Variants in ROS1 observed in about 807,000 individuals in gnomAD.
The protein encoded by ROS1 is ROS proto-oncogene 1, receptor tyrosine kinase, also known as proto-oncogene tyrosine-protein kinase ROS.
ROS1 carries 263 observed loss-of-function variants against 273.5 expected under a neutral mutation model. The ratio of observed to expected loss-of-function variants is 0.96; its 90% CI spans 0.87 to 1.06. ROS1 has a LOEUF of 1.06. Among genes scored for constraint, ROS1 ranks in the 50% least tolerant of loss-of-function variants. ROS1 has a pLI of 0.00. For missense variants in ROS1, 2,833 were observed against 2,751.1 expected (o/e 1.03, Z -0.67); for synonymous variants, 1,008 against 954.1 (o/e 1.06, Z -1.04).
At position 117,357,807 on chromosome 6, in the gene ROS1, A is replaced by G. The variant is rs779247154; in HGVS notation, c.3836T>C (p.Leu1279Ser). Residue 1279 changes from leucine to serine, a missense_variant, in exon 25 of 44, where the codon TTA becomes TCA. Leu to Ser is a moderately radical substitution (Grantham distance 145). Transcript: ENST00000368507. ...AAAAATACTTGCATTTACATACCTT[A>G]AAAGAGGATATACAGAAAAAGAAAT... The part of the protein sequence containing the change: ...TIISFSVYPL[L>S]SRLYWTEVSN... 1 of 1,586,546 alleles carries G rather than the reference A, an allele frequency of 6.3e-7. No individual in the cohort carries two copies. The highest frequency in any genetic ancestry group is 8.6e-7 in the Non-Finnish European group (1 of 1,157,052).
chr6:117,372,514 G>A (rs900620105), intron 18 of ROS1, among the ~76,000 whole-genome samples: 5 of 152,186 alleles, frequency 3.3e-5, no homozygotes, highest in Non-Finnish European at 2.9e-5. Flanking sequence ...GAGCGTTACA[G>A]TTCTTAAAGG....
At chr6:117,332,580 A>G (rs1777160471) in intron 32 of ROS1, among the ~76,000 whole-genome samples, 1 of 152,188 alleles carries the variant, frequency 6.6e-6, no homozygotes, top group African/African-American at 2.4e-5. Context: ...TCTAAAATCT[A>G]CCACATAATT....
intron 4 of ROS1, among the ~76,000 whole-genome samples, chr6:117,413,506 T>G (rs1775093750): frequency 6.6e-6 from 1 of 152,186 alleles, no homozygotes; most frequent in South Asian, 2.1e-4. Context: ...AGCTGAAGAC[T>G]AAGTAGGAAA....
intron 18 of ROS1, among the ~76,000 whole-genome samples, chr6:117,367,453 T>A (rs1780362741): frequency 6.6e-6 from 1 of 152,240 alleles, no homozygotes; most frequent in South Asian, 2.1e-4. Context: ...GACACTGGCC[T>A]GTGTGGGCAC....
At chr6:117,338,355 T>A (rs1366464293) in intron 31 of ROS1, among the ~76,000 whole-genome samples, 1 of 152,010 alleles carries the variant, frequency 6.6e-6, no homozygotes, top group East Asian at 1.9e-4. Flanking sequence ...GAAAGGGGAA[T>A]AAGGGAATGG....
intron 27 of ROS1, 40 bp downstream of exon 27, chr6:117,352,950 A>C: frequency 6.3e-7 from 1 of 1,586,266 alleles, no homozygotes; most frequent in Non-Finnish European, 8.6e-7. Flanking sequence ...TCTGACCCTA[A>C]ATTGGGAGAA....
In ROS1 at chr6:117,321,260, G is replaced by T. The variant is rs144955662; in HGVS notation, c.5758C>A (p.His1920Asn). The T allele has an allele frequency of 8.1e-6, 13 of 1,613,526 alleles. No homozygotes were observed. The highest frequency in any genetic ancestry group is 1.1e-5 in the Non-Finnish European group (13 of 1,179,798). ...ATAATGATGGCCAAAGCTACATACT[G>T]TATTGCATAGCAGGCATTAGCCAGG... The part of the protein sequence containing the change: ...VGLANACYAI[H>N]TLPTQEEIEN... Residue 1920 changes from histidine to asparagine, a missense_variant and splice_region_variant, in exon 36 of 44, where the codon CAT becomes AAT. By Grantham distance (68) the His-to-Asn change is moderately conservative. Coordinates refer to ENST00000368507, the MANE Select transcript of ROS1 (RefSeq NM_001378902.1).
At chr6:117,371,770 T>C (rs530691700) in intron 18 of ROS1, among the ~76,000 whole-genome samples, 1 of 152,240 alleles carries the variant, frequency 6.6e-6, no homozygotes, top group South Asian at 2.1e-4. Context: ...GTGTGGGAGT[T>C]GGGCGAGGCC....
Position 117,321,394 on chromosome 6 carries a change from A to T in ROS1, c.5624T>A (p.Val1875Asp), listed in dbSNP as rs2128563736. 6.3e-7 allele frequency: 1 copy of T among 1,592,010 alleles called. No individual in the cohort carries two copies. Residue 1875 changes from valine to aspartate, a missense_variant and splice_region_variant, in exon 36 of 44, where the codon GTC (valine) becomes GAC (aspartate). By Grantham distance (152) the Val-to-Asp change is radical. Transcript: ENST00000368507. Reference protein sequence around the residue: ...FLVVTIPLTFVWHRRLKNQKS... With the variant: ...FLVVTIPLTFDWHRRLKNQKS... ...TTGATTCTTTAATCTTCTATGCCAG[A>T]CTATAAAGGAAAAAATGACATAATT...
Position 117,365,683 on chromosome 6 carries a change from C to A in ROS1, c.2856G>T (p.Arg952Ser), listed in dbSNP as rs191810593. Reference protein sequence around the residue: ...IPDSVQESSFRIEGNASSFQI... With the variant: ...IPDSVQESSFSIEGNASSFQI... ...GAAAACTTGAAGCATTTCCTTCAAT[C>A]CTAAATGAAGACTCTTGAACAGAAT... Residue 952 changes from arginine to serine, a missense_variant, in exon 20 of 44, where the codon AGG (arginine) becomes AGT (serine). Physicochemically the swap from Arg to Ser is moderately radical, Grantham distance 110 (BLOSUM62 -1). Coordinates refer to ENST00000368507, the MANE Select transcript of ROS1 (RefSeq NM_001378902.1). 2.9e-5 allele frequency: 46 copies of A among 1,611,718 alleles called. No individual in the cohort carries two copies. The East Asian group carries it at 9.1e-4, about 32-fold the overall frequency.
At chr6:117,366,700 A>G (rs1274285535) in intron 18 of ROS1, among the ~76,000 whole-genome samples, 1 of 152,054 alleles carries the variant, frequency 6.6e-6, no homozygotes, top group Non-Finnish European at 1.5e-5. Context: ...TTTTTAGTTG[A>G]GTCAGGGTTT....
chr6:117,402,642 C>T (rs1416794340), intron 7 of ROS1, among the ~76,000 whole-genome samples: 2 of 152,210 alleles, frequency 1.3e-5, no homozygotes, highest in African/African-American at 4.8e-5. Flanking sequence ...AATCCCAGCA[C>T]TTTGGGAGGC....
chr6:117,399,185 A>T (rs1168301893), intron 7 of ROS1, among the ~76,000 whole-genome samples: 1 of 152,226 alleles, frequency 6.6e-6, no homozygotes, highest in Non-Finnish European at 1.5e-5. Context: ...TTGCTTATCC[A>T]GGAGAAAGGC....
intron 39 of ROS1, among the ~76,000 whole-genome samples, chr6:117,314,260 A>G (rs1470781160): frequency 6.6e-6 from 1 of 152,138 alleles, no homozygotes; most frequent in Non-Finnish European, 1.5e-5. Flanking sequence ...GGGCAAATCA[A>G]CTGTCATGAG....
intron 42 of ROS1, among the ~76,000 whole-genome samples, chr6:117,303,664 G>A (rs1218281274): frequency 6.6e-6 from 1 of 152,168 alleles, no homozygotes; most frequent in African/African-American, 2.4e-5. Context: ...ACTACAAGGG[G>A]AAGCTTTTCA....
chr6:117,387,641 T>A lies in ROS1; in HGVS notation c.1999+139A>T. ...AGAAAATAAATATGTACTCAATATG[T>A]GTTTACTCAAACACATACTCAAGAG... On this transcript the variant is annotated intron_variant, in intron 14 of 43. Transcript: ENST00000368507. The A allele has an allele frequency of 3.3e-5, 25 of 752,398 alleles. 1 individual carries two copies. The South Asian group carries it at 4.5e-4, about 14-fold the overall frequency. 46.6% of individuals were successfully genotyped at this position (752,398 alleles called of 1,614,324 possible).
At chr6:117,291,940 T>C (rs1582522275) in intron 43 of ROS1, among the ~76,000 whole-genome samples, 2 of 152,210 alleles carry the variant, frequency 1.3e-5, no homozygotes, top group East Asian at 3.9e-4. Flanking sequence ...ACACCCATTA[T>C]GGCAACCTCT....
At chr6:117,340,288 G>A (rs1311148394) in intron 31 of ROS1, among the ~76,000 whole-genome samples, 1 of 152,004 alleles carries the variant, frequency 6.6e-6, no homozygotes, top group African/African-American at 2.4e-5. Flanking sequence ...TATCTATAAA[G>A]TATAAGATCA....
At chr6:117,375,181 A>G (rs1781210639) in intron 18 of ROS1, among the ~76,000 whole-genome samples, 1 of 152,246 alleles carries the variant, frequency 6.6e-6, no homozygotes, top group South Asian at 2.1e-4. Flanking sequence ...TTCTAAGTGA[A>G]GTAACCAGGA....
Sources: gnomAD v4.1 joint callset for allele counts (sites outside exome capture counted in the v4.1 genomes callset) on GRCh38, gnomAD v4.1.1 for gene constraint, MANE v1.5 for transcripts, NCBI Gene and HGNC (gene_info 2026-07-23, HGNC 2026-07-21) for gene names.